The following CYP4F22 variants were observed in gnomAD, a reference collection of about 807,000 sequenced individuals.
CYP4F22 encodes the protein ultra-long-chain fatty acid omega-hydroxylase.
A neutral mutation model predicts 60.4 loss-of-function variants in CYP4F22; 37 were observed. That is an observed-to-expected ratio of 0.61 (90% confidence interval 0.47 to 0.81). CYP4F22 has a LOEUF of 0.81. CYP4F22 is among the 30% of genes least tolerant of loss of function. The pLI, the probability that CYP4F22 is intolerant of heterozygous loss-of-function variation, is 0.00. For synonymous variants in CYP4F22, 258 were observed against 280.5 expected (o/e 0.92, Z 0.80); for missense variants, 655 against 715.0 (o/e 0.92, Z 0.96).
chr19:15,523,660 T>C (rs1971249771), intron 1 of CYP4F22, 33 bp from the exon 2 acceptor site: 1 of 152,200 alleles, frequency 6.6e-6, no homozygotes, highest in Admixed American at 6.6e-5. Context: ...ATTAACATTA[T>C]GGTTACCTGA....
chr19:15,538,059 A>C, intron 7 of CYP4F22, 66 bp downstream of exon 7: 1 of 1,607,426 alleles, frequency 6.2e-7, no homozygotes, highest in Non-Finnish European at 8.5e-7. Flanking sequence ...GGCAGGAGAA[A>C]GGGAACTCCC....
chr19:15,513,356 T>C (rs1228296007), intron 1 of CYP4F22, among the ~76,000 whole-genome samples: 2 of 86,794 alleles, frequency 2.3e-5, no homozygotes, highest in Non-Finnish European at 4.6e-5. Flanking sequence ...TTTGTATATA[T>C]ATATATTTTT....
At chr19:15,547,018 GTTTTT>G (rs71176432) in intron 10 of CYP4F22, among the ~76,000 whole-genome samples, 13 of 82,330 alleles carry the variant, frequency 1.6e-4, no homozygotes, top group African/African-American at 2.3e-4. Flanking sequence ...GCCTGCACCA[GTTTTT>G]TTTTTTTTTT....
intron 2 of CYP4F22, among the ~76,000 whole-genome samples, chr19:15,524,362 G>A (rs1027281037): frequency 9.2e-5 from 14 of 152,160 alleles, no homozygotes; most frequent in Non-Finnish European, 2.9e-5. Flanking sequence ...AAAATGTTCT[G>A]AAACTAGCTG....
chr19:15,551,086 G>C (rs930828474), intron 13 of CYP4F22, among the ~76,000 whole-genome samples: 1 of 152,148 alleles, frequency 6.6e-6, no homozygotes, highest in African/African-American at 2.4e-5. Flanking sequence ...CTAGTAAGAG[G>C]CTGTACTGGG....
chr19:15,528,632 C>T (rs1039676618), intron 3 of CYP4F22, among the ~76,000 whole-genome samples: 8 of 152,214 alleles, frequency 5.3e-5, no homozygotes, highest in African/African-American at 1.4e-4. Flanking sequence ...ACTACCTGCC[C>T]TAGAACCCTT....
chr19:15,548,661 CAG>C (rs973410915), intron 11 of CYP4F22, among the ~76,000 whole-genome samples: 7 of 152,094 alleles, frequency 4.6e-5, no homozygotes, highest in Admixed American at 1.3e-4. Flanking sequence ...AAGGGAGAGA[CAG>C]GGGCTGGAGT....
intron 1 of CYP4F22, among the ~76,000 whole-genome samples, chr19:15,520,543 T>G (rs1258634627): frequency 6.6e-6 from 1 of 151,708 alleles, no homozygotes; most frequent in Non-Finnish European, 1.5e-5. Flanking sequence ...GGTACCAGGC[T>G]TTCCATACGG....
At chr19:15,545,994 G>A (rs1971522198) in intron 10 of CYP4F22, among the ~76,000 whole-genome samples, 1 of 152,046 alleles carries the variant, frequency 6.6e-6, no homozygotes, top group Non-Finnish European at 1.5e-5. Context: ...ATAGCAACAT[G>A]AAGTTTATTT....
intron 10 of CYP4F22, among the ~76,000 whole-genome samples, chr19:15,545,237 A>G (rs550260404): frequency 8.0e-5 from 12 of 149,792 alleles, no homozygotes; most frequent in African/African-American, 2.4e-4. Flanking sequence ...GAAGAATCAT[A>G]TGACAAAGGG....
Position 15,548,152 on chromosome 19 carries a change from A to G in CYP4F22, c.1181A>G (p.Glu394Gly). ...CCCTTTACAACTATGTGCATTAAGG[A>G]GAGCCTGCGCCAGTACCCACCTGTC... ...QLPFTTMCIK[E>G]SLRQYPPVTL... The change falls in exon 11 of 14, where the codon GAG becomes GGG. Residue 394 changes from glutamate (E) to glycine (G), a missense_variant. By Grantham distance (98) the Glu-to-Gly change is moderately conservative (BLOSUM62 -2). Around this residue, in one of 3 missense-constraint regions of CYP4F22, gnomAD observed 74 missense variants for 118.4 expected, o/e 0.62. Transcript: ENST00000269703. 1 of 1,613,990 alleles carries G rather than the reference A, an allele frequency of 6.2e-7. No homozygotes were observed. Among genetic ancestry groups the G allele is most frequent in the Non-Finnish European group, 8.5e-7 (1 of 1,180,012 alleles).
At chr19:15,550,986 C>G (rs1235103760) in intron 13 of CYP4F22, among the ~76,000 whole-genome samples, 1 of 152,176 alleles carries the variant, frequency 6.6e-6, no homozygotes, top group Non-Finnish European at 1.5e-5. Context: ...GGCTCCCACG[C>G]TCCCATTGGC....
At chr19:15,518,653 A>C (rs1971184028) in intron 1 of CYP4F22, among the ~76,000 whole-genome samples, 1 of 148,542 alleles carries the variant, frequency 6.7e-6, no homozygotes, top group Non-Finnish European at 1.5e-5. Flanking sequence ...GTCTCAAAAA[A>C]AAAAAAAAAA....
intron 1 of CYP4F22, among the ~76,000 whole-genome samples, chr19:15,521,819 C>T (rs1440872418): frequency 6.6e-6 from 1 of 152,104 alleles, no homozygotes; most frequent in Non-Finnish European, 1.5e-5. Flanking sequence ...CACAGACATG[C>T]ACCACCATGC....
intron 1 of CYP4F22, among the ~76,000 whole-genome samples, chr19:15,519,302 A>G (rs7251123): frequency 0.86 from 130,229 of 150,810 alleles, 56,356 homozygotes; most frequent in Middle Eastern, 0.93. Flanking sequence ...TCACTCTGTC[A>G]CCCAGGCTGG....
intron 10 of CYP4F22, 37 bp downstream of exon 10, chr19:15,544,316 G>A (rs1285766468): frequency 1.6e-5 from 26 of 1,602,158 alleles, no homozygotes; most frequent in Non-Finnish European, 2.0e-5. Context: ...GGGGCAGGTT[G>A]AGGCCAGAGC....
chr19:15,538,392 A>T (rs60610123), intron 7 of CYP4F22, among the ~76,000 whole-genome samples: 2,963 of 152,272 alleles, frequency 0.019, 90 homozygotes, highest in African/African-American at 0.067. Context: ...TTTCTGAGAG[A>T]TGCTTTAAGG....
At chr19:15,514,789 C>T (rs1445153867) in intron 1 of CYP4F22, among the ~76,000 whole-genome samples, 5 of 152,160 alleles carry the variant, frequency 3.3e-5, no homozygotes, top group African/African-American at 2.4e-5. Context: ...ATACAGATCA[C>T]TGTTGGAAGA....
intron 2 of CYP4F22, 153 bp from the exon 3 acceptor site, chr19:15,525,183 G>C: frequency 1.3e-6 from 1 of 756,908 alleles, no homozygotes. Context: ...CTGTCCAGCT[G>C]GTTGGAGATC....
Sources: allele counts gnomAD v4.1 joint callset (sites outside exome capture counted in the v4.1 genomes callset), GRCh38; gene constraint gnomAD v4.1.1; regional missense constraint gnomAD v4.1.1; transcripts MANE v1.5; gene names NCBI Gene and HGNC (gene_info 2026-07-23, HGNC 2026-07-21).